PKHD1: variants seen among roughly 807,000 people sequenced by gnomAD.
The protein encoded by PKHD1 is fibrocystin.
A neutral mutation model predicts 412.0 loss-of-function variants in PKHD1; 291 were observed. The observed-to-expected ratio is 0.71, with a 90% confidence interval of 0.64 to 0.78. The LOEUF (loss-of-function observed/expected upper bound fraction) is 0.78. Among genes scored for constraint, PKHD1 ranks in the 30% least tolerant of loss-of-function variants. The probability of loss-of-function intolerance (pLI) is 0.00; values close to 1 mark genes in which losing one functional copy is unlikely to be tolerated. For synonymous variants in PKHD1, 1,777 were observed against 1,821.5 expected (o/e 0.98, Z 0.62); for missense variants, 4,825 against 4,950.7 (o/e 0.97, Z 0.76).
At position 52,025,146 on chromosome 6, in the gene PKHD1, G is replaced by A; in HGVS notation, c.4664C>T (p.Thr1555Ile). 2 of 1,614,094 alleles carry A rather than the reference G, an allele frequency of 1.2e-6. No individual in the cohort carries two copies. Among genetic ancestry groups the A allele is most frequent in the Non-Finnish European group, 1.7e-6 (2 of 1,179,972 alleles). ...ACCAGAACAAGCATACCCATTTCTT[G>A]TATAAAAAACTGACAGGTAGTGGGG... ...PGPHYLSVFY[T>I]RNGYACSGNV... The change falls in exon 32 of 67, where the codon ACA becomes ATA. Residue 1555 changes from threonine (T) to isoleucine (I), a missense_variant. By Grantham distance (89) the Thr-to-Ile change is moderately conservative. Coordinates refer to ENST00000371117, the MANE Select transcript of PKHD1 (RefSeq NM_138694.4).
chr6:51,780,155 AG>A (rs1422089119), intron 53 of PKHD1, among the ~76,000 whole-genome samples: 2 of 152,182 alleles, frequency 1.3e-5, no homozygotes, highest in Non-Finnish European at 2.9e-5. Flanking sequence ...TGGGAGGCCG[AG>A]GCAGGCAGAT....
chr6:52,005,048 A>G (rs1176350234), intron 35 of PKHD1, among the ~76,000 whole-genome samples: 1 of 151,994 alleles, frequency 6.6e-6, no homozygotes, highest in Non-Finnish European at 1.5e-5. Context: ...GCAGCCCTAA[A>G]CTCTAATCTC....
chr6:51,680,787 TCA>T (rs1776545657), intron 60 of PKHD1, among the ~76,000 whole-genome samples: 1 of 152,024 alleles, frequency 6.6e-6, no homozygotes, highest in African/African-American at 2.4e-5. Flanking sequence ...TAGTGAAAAG[TCA>T]CAAATATAAA....
intron 35 of PKHD1, among the ~76,000 whole-genome samples, chr6:51,982,998 A>C (rs7742667): frequency 0.48 from 73,186 of 151,754 alleles, 20,485 homozygotes; most frequent in Non-Finnish European, 0.62. Flanking sequence ...ACATTGCTTA[A>C]GCAGGGCCCA....
At chr6:51,646,209 C>T (rs1463861172) in intron 63 of PKHD1, among the ~76,000 whole-genome samples, 1 of 152,130 alleles carries the variant, frequency 6.6e-6, no homozygotes, top group African/African-American at 2.4e-5. Context: ...CAGAATTGGA[C>T]TGTGATATTG....
rs1363597984 is a variant in PKHD1 at position 51,754,884 on chromosome 6, G to T, written c.8697C>A (p.Ser2899Arg). ...DWRPHDKIVL[S>R]SSSYEPHEAE... ...CTTCATGAGGCTCATAAGAAGAGGA[G>T]CTAAGGACTATTTTGTCATGGGGGC... The change falls in exon 56 of 67, where the codon AGC (serine) becomes AGA (arginine). Residue 2899 changes from serine (S) to arginine (R), a missense_variant. Transcript: ENST00000371117. 6.2e-6 allele frequency: 10 copies of T among 1,613,048 alleles called. No homozygotes were observed. Among genetic ancestry groups the T allele is most frequent in the Non-Finnish European group, 8.5e-6 (10 of 1,179,172 alleles).
intron 55 of PKHD1, among the ~76,000 whole-genome samples, chr6:51,772,133 T>C (rs1451728479): frequency 6.6e-6 from 1 of 152,130 alleles, no homozygotes; most frequent in Non-Finnish European, 1.5e-5. Flanking sequence ...AGATAGCTTT[T>C]AATTTTCTGA....
At chr6:51,890,303 A>AGGAT (rs2127568338) in intron 43 of PKHD1, among the ~76,000 whole-genome samples, 1 of 152,318 alleles carries the variant, frequency 6.6e-6, no homozygotes, top group South Asian at 2.1e-4. Context: ...ACCCAAAGGC[A>AGGAT]GGATGCCCAA....
At chr6:51,677,924 C>A (rs1776102564) in intron 60 of PKHD1, among the ~76,000 whole-genome samples, 1 of 152,038 alleles carries the variant, frequency 6.6e-6, no homozygotes, top group South Asian at 2.1e-4. Flanking sequence ...ATTCAATAGA[C>A]TATTTTATAA....
intron 35 of PKHD1, among the ~76,000 whole-genome samples, chr6:51,975,347 G>T (rs1794232102): frequency 6.6e-6 from 1 of 151,820 alleles, no homozygotes; most frequent in Non-Finnish European, 1.5e-5. Context: ...TCAATAGAGG[G>T]AAAAAGCAAC....
intron 52 of PKHD1, among the ~76,000 whole-genome samples, chr6:51,819,447 T>A (rs540022078): frequency 2.6e-5 from 4 of 152,338 alleles, no homozygotes; most frequent in African/African-American, 9.6e-5. Flanking sequence ...AATTGTTGCT[T>A]TTAGCCTTCA....
chr6:51,920,351 G>T (rs1784495951), intron 37 of PKHD1, among the ~76,000 whole-genome samples: 1 of 152,186 alleles, frequency 6.6e-6, no homozygotes, highest in African/African-American at 2.4e-5. Flanking sequence ...GTTGAATTTT[G>T]TCGAAGGCCT....
intron 43 of PKHD1, among the ~76,000 whole-genome samples, chr6:51,889,317 T>C (rs376233999): frequency 6.6e-6 from 1 of 152,326 alleles, no homozygotes; most frequent in African/African-American, 2.4e-5. Context: ...AGACATTAAA[T>C]GCCTTTCTTT....
At position 51,659,506 on chromosome 6, in the gene PKHD1, A is replaced by G. The variant is rs2150414839; in HGVS notation, c.10620T>C (p.Asp3540=). ...CTTGTAGGACAACATACAAGAGGTT[A>G]TCCATGATGTTGAAATAGTTGGCAC... ...SIGANYFNIM[D]NLLYVVLQGE... Residue 3540 remains aspartate, a synonymous_variant, in exon 61 of 67, where the codon GAT becomes GAC. Coordinates refer to ENST00000371117, the MANE Select transcript of PKHD1 (RefSeq NM_138694.4). 6.2e-7 allele frequency: 1 copy of G among 1,613,444 alleles called. No homozygotes were observed. Among genetic ancestry groups the G allele is most frequent in the Non-Finnish European group, 8.5e-7 (1 of 1,179,590 alleles).
chr6:52,043,577 G>C, intron 26 of PKHD1, 48 bp downstream of exon 26: 1 of 1,331,448 alleles, frequency 7.5e-7, no homozygotes, highest in Non-Finnish European at 1.1e-6. Context: ...CAAAATCACT[G>C]CAAGTCTCCG....
At chr6:51,738,114 T>C (rs1192792393) in intron 60 of PKHD1, among the ~76,000 whole-genome samples, 2 of 152,340 alleles carry the variant, frequency 1.3e-5, no homozygotes, top group East Asian at 3.9e-4. Context: ...GCCGATAGTT[T>C]GTGGGCCAGC....
chr6:51,897,662 A>G (rs1583258835), intron 43 of PKHD1, among the ~76,000 whole-genome samples: 1 of 146,204 alleles, frequency 6.8e-6, no homozygotes, highest in South Asian at 2.4e-4. Context: ...CACACATAAC[A>G]ATATTAACTT....
In PKHD1 at chr6:51,748,733, T is replaced by G. The variant is rs138754689; in HGVS notation, c.8951-68A>C. ...CAAAAGGCTGAAGAATGGCCCATTT[T>G]GGGGCATTAAGATATGAACATTTTT... On this transcript the variant is annotated intron_variant, in intron 57 of 66. Coordinates refer to ENST00000371117, the MANE Select transcript of PKHD1 (RefSeq NM_138694.4). The G allele has an allele frequency of 9.0e-5, 119 of 1,321,638 alleles. No individual in the cohort carries two copies. In the East Asian group the frequency reaches 2.4e-3, roughly 27 times the overall value. The allele number at this position is 1,321,638 out of a possible 1,614,324, so 81.9% of individuals were successfully genotyped here. A position where few individuals can be genotyped will look rare whatever the true frequency, so the allele number is the denominator to read the frequency against.
intron 37 of PKHD1, among the ~76,000 whole-genome samples, chr6:51,925,449 G>GTA: frequency 1.0e-5 from 1 of 99,556 alleles, no homozygotes; most frequent in Admixed American, 1.2e-4. Flanking sequence ...GTGTGTGTGT[G>GTA]TGTGTATGTG....
Sources: gnomAD v4.1 joint callset for allele counts (sites outside exome capture counted in the v4.1 genomes callset) on GRCh38, gnomAD v4.1.1 for gene constraint, MANE v1.5 for transcripts, NCBI Gene and HGNC (gene_info 2026-07-23, HGNC 2026-07-21) for gene names.